The following GPSM2 variants were observed in gnomAD, a reference collection of about 807,000 sequenced individuals.
GPSM2 encodes G protein signaling modulator 2.
A neutral mutation model predicts 78.4 loss-of-function variants in GPSM2; 58 were observed. That is an observed-to-expected ratio of 0.74 (90% CI 0.60 to 0.92). The LOEUF (loss-of-function observed/expected upper bound fraction) is 0.92. Ranked by LOEUF, GPSM2 falls within the 40% of genes least tolerant of loss-of-function variation. The pLI is 0.00. For synonymous variants in GPSM2, 224 were observed against 280.2 expected, an observed-to-expected ratio of 0.80 and a Z score of 2.00; for missense variants, 700 against 815.5, an observed-to-expected ratio of 0.86 and a Z score of 1.73.
chr1:108,912,577 T>TAAA (rs34266985), intron 10 of GPSM2, among the ~76,000 whole-genome samples: 5 of 108,720 alleles, frequency 4.6e-5, no homozygotes, highest in Admixed American at 9.8e-5. Context: ...CCTGTCTGTA[T>TAAA]AAAAAAAAAA....
At chr1:108,885,979 T>C (rs1308734203) in intron 2 of GPSM2, among the ~76,000 whole-genome samples, 1 of 152,104 alleles carries the variant, frequency 6.6e-6, no homozygotes, top group Non-Finnish European at 1.5e-5. Context: ...TTATTTTTGA[T>C]TTATTTTTAT....
chr1:108,906,493 A>G (rs570900094), intron 10 of GPSM2, among the ~76,000 whole-genome samples: 49 of 151,708 alleles, frequency 3.2e-4, no homozygotes, highest in South Asian at 4.2e-4. Context: ...TAGCCTACCA[A>G]TGATTTCTCT....
At chr1:108,929,264 C>T (rs370792228) in intron 14 of GPSM2, among the ~76,000 whole-genome samples, 6 of 152,082 alleles carry the variant, frequency 3.9e-5, no homozygotes, top group African/African-American at 1.4e-4. Flanking sequence ...TAGCCTAAGA[C>T]GTGATTTTTT....
intron 13 of GPSM2, among the ~76,000 whole-genome samples, chr1:108,922,866 A>G (rs922567551): frequency 6.6e-6 from 1 of 152,082 alleles, no homozygotes; most frequent in Non-Finnish European, 1.5e-5. Flanking sequence ...GTGGTGGTGC[A>G]TGCCTGTAAT....
intron 10 of GPSM2, among the ~76,000 whole-genome samples, chr1:108,912,104 G>A (rs1038144480): frequency 2.2e-4 from 33 of 151,882 alleles, no homozygotes; most frequent in African/African-American, 7.3e-4. Context: ...CACCGTGCCC[G>A]GCTGACAAAA....
At chr1:108,880,721 A>T (rs1665852794) in intron 1 of GPSM2, among the ~76,000 whole-genome samples, 1 of 152,258 alleles carries the variant, frequency 6.6e-6, no homozygotes, top group African/African-American at 2.4e-5. Context: ...TATGCTTACC[A>T]AAAAGGTTTA....
chr1:108,927,367 G>A (rs1385957588), intron 14 of GPSM2, among the ~76,000 whole-genome samples: 3 of 152,124 alleles, frequency 2.0e-5, no homozygotes, highest in Admixed American at 2.0e-4. Flanking sequence ...AAGCTTTAGG[G>A]CTCACATTTT....
chr1:108,915,421 C>A (rs1326478961), intron 11 of GPSM2, among the ~76,000 whole-genome samples: 1 of 145,482 alleles, frequency 6.9e-6, no homozygotes, highest in African/African-American at 2.5e-5. Flanking sequence ...ATTTTTATTT[C>A]TTTTTTTTCT....
At position 108,929,705 on chromosome 1, in the gene GPSM2, C is replaced by T. The variant is rs35322815; in HGVS notation, c.1820C>T (p.Ser607Phe). The T allele has an allele frequency of 1.4e-3, 2,201 of 1,612,880 alleles. 25 individuals are homozygous for T. In the African/African-American group the frequency reaches 0.026, roughly 19 times the overall value. ...FFDILVKCQG[S>F]RLDDQRCAPP... ...ATCTCTCTCATAAACTTCTAGGGAT[C>T]CAGATTAGATGATCAAAGATGTGCT... Residue 607 changes from serine (S) to phenylalanine (F), a missense_variant, in exon 15 of 15, where the codon TCC (serine) becomes TTC (phenylalanine). Ser to Phe is a radical substitution (Grantham distance 155, BLOSUM62 -2). Coordinates refer to ENST00000264126, the MANE Select transcript of GPSM2 (RefSeq NM_013296.5).
At position 108,929,962 on chromosome 1, in the gene GPSM2, T is replaced by TC; in HGVS notation, c.*24dup. On this transcript the variant is annotated 3_prime_UTR_variant, in exon 15 of 15. Transcript: ENST00000264126. ...TTAGTTACTATGGATTTATTTTTTT[T>TC]CCTTTCAAACACGGTAAGGAAACAA... The TC allele has an allele frequency of 6.2e-7, 1 of 1,606,922 alleles. No individual in the cohort carries two copies. Among genetic ancestry groups the TC allele is most frequent in the South Asian group, 1.1e-5 (1 of 90,738 alleles).
chr1:108,882,312 G>A (rs1181722493), intron 1 of GPSM2, among the ~76,000 whole-genome samples: 1 of 152,114 alleles, frequency 6.6e-6, no homozygotes, highest in Non-Finnish European at 1.5e-5. Flanking sequence ...ACCCCCTGAG[G>A]ATACCAAAAT....
intron 14 of GPSM2, among the ~76,000 whole-genome samples, chr1:108,924,975 A>G (rs1308036711): frequency 6.6e-6 from 1 of 152,212 alleles, no homozygotes; most frequent in East Asian, 1.9e-4. Context: ...GATGCAGGCA[A>G]AAAATATTGG....
At chr1:108,914,245 GT>G in intron 10 of GPSM2, 92 bp from the exon 11 acceptor site, 1 of 815,124 alleles carries the variant, frequency 1.2e-6, no homozygotes, top group Non-Finnish European at 2.1e-6. Context: ...ATGGGTTTGT[GT>G]ATCAGATTTT....
chr1:108,905,333 A>C (rs1207192126), intron 10 of GPSM2, among the ~76,000 whole-genome samples: 1 of 152,198 alleles, frequency 6.6e-6, no homozygotes, highest in Non-Finnish European at 1.5e-5. Flanking sequence ...AAAACCTGAA[A>C]AGACACTAAT....
Position 108,901,939 on chromosome 1 carries a change from A to G in GPSM2, c.947A>G (p.Asn316Ser), listed in dbSNP as rs1648860664. 3.1e-6 allele frequency: 5 copies of G among 1,605,372 alleles called. No homozygotes were observed. In the African/African-American group the frequency reaches 4.0e-5, roughly 13 times the overall value. Residue 316 changes from asparagine to serine, a missense_variant, in exon 8 of 15, where the codon AAT (asparagine) becomes AGT (serine). Physicochemically the swap from Asn to Ser is conservative, Grantham distance 46. Coordinates refer to ENST00000264126, the MANE Select transcript of GPSM2 (RefSeq NM_013296.5). Reference protein sequence around the residue: ...LKHLAIAQELNDRIGEGRACW... With the variant: ...LKHLAIAQELSDRIGEGRACW... ...CACTTAGCAATTGCTCAAGAGCTGA[A>G]TGATAGGTATGTTTTACGTCTTTTT...
chr1:108,910,093 T>C (rs1649612159), intron 10 of GPSM2: 1 of 152,110 alleles, frequency 6.6e-6, no homozygotes. Flanking sequence ...TAATTTTGAC[T>C]AAGTCTACAG....
Position 108,929,670 on chromosome 1 carries a change from A to G in GPSM2, c.1816-31A>G, listed in dbSNP as rs146291181. The G allele has an allele frequency of 1.7e-5, 28 of 1,606,582 alleles. No individual in the cohort carries two copies. The East Asian group carries it at 5.8e-4, about 33-fold the overall frequency. ...AGCTTGGTGCTTTCTTTCCCACAGTATGTCTTTTAATCTCTCTCATAAACT... is the reference window on the plus strand; with the variant it reads ...AGCTTGGTGCTTTCTTTCCCACAGTGTGTCTTTTAATCTCTCTCATAAACT... On this transcript the variant is annotated intron_variant, in intron 14 of 14. Transcript: ENST00000264126.
At chr1:108,882,243 G>T (rs1373810393) in intron 1 of GPSM2, among the ~76,000 whole-genome samples, 7 of 152,140 alleles carry the variant, frequency 4.6e-5, no homozygotes, top group Non-Finnish European at 8.8e-5. Flanking sequence ...CAGCCACCGG[G>T]CCTACCTAAG....
rs1648953304 is a variant in GPSM2, at chr1:108,903,342, T to C, written c.1062+108T>C. 3 of 687,636 alleles carry C rather than the reference T, an allele frequency of 4.4e-6. No individual in the cohort carries two copies. The Admixed American group carries it at 6.5e-5, about 15-fold the overall frequency. 42.6% of individuals were successfully genotyped at this position (687,636 alleles called of 1,614,324 possible). A position where few individuals can be genotyped will look rare whatever the true frequency, so the allele number is the denominator to read the frequency against. ...TGATCATGTGGCTGAATAATAAATT[T>C]GATTATATATCATTCTCTTGGCATA... On this transcript the variant is annotated intron_variant, in intron 9 of 14. Transcript: ENST00000264126.
Sources: allele counts gnomAD v4.1 joint callset (sites outside exome capture counted in the v4.1 genomes callset), GRCh38; gene constraint gnomAD v4.1.1; transcripts MANE v1.5; gene names NCBI Gene and HGNC (gene_info 2026-07-23, HGNC 2026-07-21).